NEDD4: variants seen among roughly 807,000 people sequenced by gnomAD.
NEDD4 encodes the protein E3 ubiquitin-protein ligase NEDD4.
Under a neutral mutation model 144.9 loss-of-function variants are expected in NEDD4, and 99 were observed. The ratio of observed to expected loss-of-function variants is 0.68; its 90% confidence interval spans 0.58 to 0.81. The LOEUF is 0.81. Ranked by LOEUF, NEDD4 falls within the 30% of genes least tolerant of loss-of-function variation. The pLI is 0.00. For missense variants in NEDD4, 985 were observed against 1,065.9 expected (o/e 0.92, Z 1.06); for synonymous variants, 318 against 350.6 (o/e 0.91, Z 1.04).
At chr15:55,875,394 C>T (rs925695643) in intron 5 of NEDD4, among the ~76,000 whole-genome samples, 1 of 152,164 alleles carries the variant, frequency 6.6e-6, no homozygotes, top group Non-Finnish European at 1.5e-5. Flanking sequence ...ACTGCAACCT[C>T]TACTTCCTGG....
intron 4 of NEDD4, among the ~76,000 whole-genome samples, chr15:55,939,938 A>T (rs2142271406): frequency 6.6e-6 from 1 of 152,314 alleles, no homozygotes; most frequent in African/African-American, 2.4e-5. Context: ...AGCATTATTC[A>T]CAGTAGCCAA....
rs557933992 is a variant in NEDD4, at chr15:55,830,649, C to G, written c.2528-63G>C. On this transcript the variant is annotated intron_variant, in intron 27 of 28. Coordinates refer to ENST00000435532, the MANE Select transcript of NEDD4 (RefSeq NM_006154.4). ...ACAAGGATCTCCAGGCATATCAAAA[C>G]TTTTTCTAGTGTACACTAGTTCCTA... The G allele has an allele frequency of 3.6e-6, 5 of 1,382,520 alleles. No homozygotes were observed. In the African/African-American group the frequency reaches 5.7e-5, roughly 16 times the overall value. The allele number at this position is 1,382,520 out of a possible 1,614,324, so 85.6% of individuals were successfully genotyped here.
intron 26 of NEDD4, 123 bp downstream of exon 26, chr15:55,833,915 T>C: frequency 1.4e-6 from 1 of 701,016 alleles, no homozygotes; most frequent in Non-Finnish European, 2.4e-6. Flanking sequence ...GATAATTTTT[T>C]CTGGTCTGTA....
intron 4 of NEDD4, among the ~76,000 whole-genome samples, chr15:55,948,846 G>A (rs1218320289): frequency 6.6e-6 from 1 of 152,088 alleles, no homozygotes. Context: ...AAAACCATAA[G>A]AACCGTAGAA....
At chr15:55,933,552 G>A (rs1464247760) in intron 4 of NEDD4, among the ~76,000 whole-genome samples, 6 of 137,044 alleles carry the variant, frequency 4.4e-5, no homozygotes, top group Non-Finnish European at 7.8e-5. Flanking sequence ...GGGGGAAGGG[G>A]GAGGGATAGC....
Position 55,850,633 on chromosome 15 carries a change from T to C in NEDD4, c.1256A>G (p.Glu419Gly). The stretch of plus-strand genomic sequence containing the variant: ...CCAGCCTTTAGGAAGGAATCCTTGC[T>C]CAATTTCAGATGGCTGGGTCACCTG... Reference protein sequence around the residue: ...GQQVTQPSEIEQGFLPKGWEV... With the variant: ...GQQVTQPSEIGQGFLPKGWEV... Residue 419 changes from glutamate to glycine, a missense_variant, in exon 14 of 29, where the codon GAG (glutamate) becomes GGG (glycine). Coordinates refer to ENST00000435532, the MANE Select transcript of NEDD4 (RefSeq NM_006154.4). 1 of 1,614,172 alleles carries C rather than the reference T, an allele frequency of 6.2e-7. No individual in the cohort carries two copies. The highest frequency in any genetic ancestry group is 8.5e-7 in the Non-Finnish European group (1 of 1,180,038).
intron 24 of NEDD4, among the ~76,000 whole-genome samples, chr15:55,834,881 G>A (rs777459034): frequency 3.3e-5 from 5 of 152,096 alleles, no homozygotes; most frequent in Non-Finnish European, 7.4e-5. Flanking sequence ...CTCCATCCCT[G>A]CGTCCCAACC....
chr15:55,924,613 C>T (rs1469449274), intron 5 of NEDD4, 33 bp downstream of exon 5: 3 of 1,574,442 alleles, frequency 1.9e-6, no homozygotes, highest in Non-Finnish European at 2.6e-6. Context: ...TGTACCCTTA[C>T]TTCATATTTC....
At chr15:55,902,151 T>A (rs1210465939) in intron 5 of NEDD4, among the ~76,000 whole-genome samples, 6 of 152,134 alleles carry the variant, frequency 3.9e-5, no homozygotes, top group African/African-American at 1.4e-4. Flanking sequence ...AAGGCCTCAA[T>A]TATATTGGTA....
intron 5 of NEDD4, among the ~76,000 whole-genome samples, chr15:55,921,159 T>C (rs1357920754): frequency 6.6e-6 from 1 of 152,192 alleles, no homozygotes; most frequent in Non-Finnish European, 1.5e-5. Context: ...CCTCACAATA[T>C]GCTTATGAGA....
chr15:55,992,563 CAA>C (rs577246935), intron 1 of NEDD4, among the ~76,000 whole-genome samples: 1 of 152,114 alleles, frequency 6.6e-6, no homozygotes. Flanking sequence ...AACAAGAAAG[CAA>C]AAAACTTGAT....
intron 14 of NEDD4, among the ~76,000 whole-genome samples, chr15:55,849,266 C>T (rs1000278781): frequency 6.6e-6 from 1 of 152,000 alleles, no homozygotes; most frequent in Non-Finnish European, 1.5e-5. Flanking sequence ...CTCTTGTCGC[C>T]CAGGCTGGAG....
intron 5 of NEDD4, among the ~76,000 whole-genome samples, chr15:55,882,808 A>G (rs1367408490): frequency 3.3e-5 from 5 of 152,206 alleles, no homozygotes; most frequent in Admixed American, 6.5e-5. Flanking sequence ...ACTTTGTCTT[A>G]CAACCTGGAT....
chr15:55,842,105 G>C lies in NEDD4; in HGVS notation c.1667C>G (p.Ser556Cys). The C allele has an allele frequency of 6.2e-7, 1 of 1,614,146 alleles. No individual in the cohort carries two copies. Among genetic ancestry groups the C allele is most frequent in the Non-Finnish European group, 8.5e-7 (1 of 1,180,036 alleles). ...KLRRATVLED[S>C]YRRIMGVKRA... The stretch of plus-strand genomic sequence containing the variant: ...CTTGACACCCATAATTCTCCGGTAA[G>C]AGTCTTCAAGAACAGTTGCTCGGCG... The change falls in exon 19 of 29, where the codon TCT (serine) becomes TGT (cysteine). Residue 556 changes from serine to cysteine, a missense_variant. Transcript: ENST00000435532.
Position 55,847,027 on chromosome 15 carries a change from G to A in NEDD4, c.1550C>T (p.Pro517Leu), listed in dbSNP as rs758737877. The A allele has an allele frequency of 1.2e-5, 20 of 1,601,468 alleles. No homozygotes were observed. The South Asian group carries it at 1.8e-4, about 15-fold the overall frequency. ...ENVAITGPAV[P>L]YSRDYKRKYE... ...CTTTCTTTTGTAATCCCTGGAGTAG[G>A]GCACTGCCTTTAGTTGGAAATTTTG... The change falls in exon 18 of 29, where the codon CCC becomes CTC. Residue 517 changes from proline (P) to leucine (L), a missense_variant. Coordinates refer to ENST00000435532, the MANE Select transcript of NEDD4 (RefSeq NM_006154.4).
At chr15:55,962,438 A>G (rs1413341676) in intron 2 of NEDD4, among the ~76,000 whole-genome samples, 1 of 151,846 alleles carries the variant, frequency 6.6e-6, no homozygotes, top group Non-Finnish European at 1.5e-5. Flanking sequence ...ACTGCCCTTT[A>G]CGTTGTTTTT....
At chr15:55,854,725 T>C (rs1380410474) in intron 12 of NEDD4, among the ~76,000 whole-genome samples, 2 of 151,868 alleles carry the variant, frequency 1.3e-5, no homozygotes, top group East Asian at 3.9e-4. Context: ...AATTGTATGA[T>C]CAAACATGGG....
At chr15:55,964,050 T>G (rs2037468764) in intron 2 of NEDD4, among the ~76,000 whole-genome samples, 1 of 152,162 alleles carries the variant, frequency 6.6e-6, no homozygotes. Context: ...TCTTTATACT[T>G]GGCTTTCAAC....
At chr15:55,963,868 C>T (rs1470235485) in intron 2 of NEDD4, among the ~76,000 whole-genome samples, 1 of 152,090 alleles carries the variant, frequency 6.6e-6, no homozygotes, top group Non-Finnish European at 1.5e-5. Flanking sequence ...ATTTTGTCAT[C>T]TTCCTTAAAG....
Sources: allele counts gnomAD v4.1 joint callset (sites outside exome capture counted in the v4.1 genomes callset), GRCh38; gene constraint gnomAD v4.1.1; transcripts MANE v1.5; gene names NCBI Gene and HGNC (gene_info 2026-07-23, HGNC 2026-07-21).